Variants in FGF13 observed in about 807,000 individuals in gnomAD.
FGF13 encodes fibroblast growth factor 13.
A neutral mutation model predicts 19.5 loss-of-function variants in FGF13; 2 were observed. That is an observed-to-expected ratio of 0.10 (90% CI 0.04 to 0.32). The LOEUF (loss-of-function observed/expected upper bound fraction) is 0.32. FGF13 is among the 10% of genes least tolerant of loss of function. FGF13 has a pLI of 1.00. For synonymous variants in FGF13, 72 were observed against 76.9 expected, an observed-to-expected ratio of 0.94 and a Z score of 0.33; for missense variants, 113 against 192.7, an observed-to-expected ratio of 0.59 and a Z score of 2.45.
intron 1 of FGF13, among the ~76,000 whole-genome samples, chrX:138,993,687 CGCT>C (rs1320221375): frequency 8.9e-6 from 1 of 111,762 alleles, no homozygotes; most frequent in Non-Finnish European, 1.9e-5. Context: ...ACGAAATTCT[CGCT>C]GCTTTCTGCA....
downstream of FGF13, among the ~76,000 whole-genome samples, chrX:138,854,945 G>A (rs1224336536): frequency 9.1e-6 from 1 of 109,740 alleles, no homozygotes; most frequent in Non-Finnish European, 1.9e-5. Context: ...AATGTTTCAC[G>A]TAACAATAAA....
At chrX:138,963,008 GAAAAA>G (rs370773877) in intron 1 of FGF13, among the ~76,000 whole-genome samples, 1 of 107,372 alleles carries the variant, frequency 9.3e-6, no homozygotes, top group South Asian at 4.0e-4. Flanking sequence ...AAACAAAAAA[GAAAAA>G]AAAAAGTGCA....
intron 1 of FGF13, among the ~76,000 whole-genome samples, chrX:138,965,270 C>A (rs1043625883): frequency 8.9e-6 from 1 of 112,331 alleles, no homozygotes; most frequent in African/African-American, 3.2e-5. Context: ...CTGCTCTGGG[C>A]TCCTACACTT....
chrX:138,932,079 C>A (rs2091704126), intron 1 of FGF13, among the ~76,000 whole-genome samples: 2 of 109,754 alleles, frequency 1.8e-5, no homozygotes, highest in South Asian at 7.8e-4. Context: ...TGCAATGCAT[C>A]TTTTTTAAAA....
chrX:139,105,547 C>T (rs934092365), intron 1 of FGF13, among the ~76,000 whole-genome samples: 1 of 112,006 alleles, frequency 8.9e-6, no homozygotes, highest in Admixed American at 9.5e-5. Context: ...TGCTCTCAAA[C>T]ATCAGATACA....
At chrX:138,698,920 G>A (rs777589168) in intron 3 of FGF13, among the ~76,000 whole-genome samples, 10 of 111,887 alleles carry the variant, frequency 8.9e-5, no homozygotes, top group Non-Finnish European at 1.7e-4. Flanking sequence ...ATGAATGGGT[G>A]TGGCTGCGTT....
chrX:138,776,596 G>A (rs1195649921), intron 3 of FGF13, among the ~76,000 whole-genome samples: 1 of 111,918 alleles, frequency 8.9e-6, no homozygotes, highest in East Asian at 2.8e-4. Context: ...ATCGAGTTTG[G>A]GCTCTTATGT....
At chrX:138,665,427 G>A (rs1313118489) in intron 3 of FGF13, among the ~76,000 whole-genome samples, 6 of 111,520 alleles carry the variant, frequency 5.4e-5, no homozygotes, top group Non-Finnish European at 7.5e-5. Context: ...GGAGATAGTA[G>A]GGGAGCTGTT....
At chrX:138,760,561 C>T (rs754543547) in intron 3 of FGF13, among the ~76,000 whole-genome samples, 1 of 111,610 alleles carries the variant, frequency 9.0e-6, no homozygotes, top group East Asian at 2.8e-4. Context: ...CAAAGGAAAA[C>T]ATTTACAGAC....
intron 1 of FGF13, among the ~76,000 whole-genome samples, chrX:138,890,070 A>T (rs897834332): frequency 3.6e-5 from 4 of 110,024 alleles, no homozygotes; most frequent in African/African-American, 1.3e-4. Context: ...CTGGGATTAC[A>T]GGCACCTGCC....
chrX:138,653,240 T>C (rs746723426), intron 3 of FGF13, among the ~76,000 whole-genome samples: 50 of 111,290 alleles, frequency 4.5e-4, no homozygotes, highest in African/African-American at 1.6e-3. Context: ...AAAACAAAGA[T>C]AATAATCTTT....
chrX:139,175,861 T>G (rs1474164929), intron 1 of FGF13, among the ~76,000 whole-genome samples: 3 of 111,928 alleles, frequency 2.7e-5, no homozygotes, highest in East Asian at 2.8e-4. Flanking sequence ...CTGAAATTTT[T>G]TTGTTGTTGT....
chrX:138,907,616 T>C lies in FGF13; in HGVS notation c.-112-42966A>G, dbSNP rs150893353. ...CAGCCCTTGTTTCAGATAGAGGTCA[T>C]GCCACTGAGCATGCTCCTTGAGGGC... On this transcript the variant is annotated intron_variant, in intron 1 of 2. Coordinates refer to the FGF13 transcript ENST00000421460. 1.6e-3 allele frequency among the ~76,000 whole-genome samples: 175 copies of C among 112,030 alleles called. 2 individuals are homozygous for C. Among genetic ancestry groups the C allele is most frequent in the Admixed American group, 3.5e-3 (37 of 10,582 alleles).
intron 1 of FGF13, among the ~76,000 whole-genome samples, chrX:139,170,652 C>T (rs1212440252): frequency 9.0e-6 from 1 of 111,567 alleles, no homozygotes; most frequent in African/African-American, 3.3e-5. Flanking sequence ...GACGATGCTC[C>T]AGCTTTCACA....
At chrX:138,682,926 G>A (rs2089743869) in intron 3 of FGF13, among the ~76,000 whole-genome samples, 1 of 111,748 alleles carries the variant, frequency 8.9e-6, no homozygotes, top group African/African-American at 3.2e-5. Context: ...ATTGTTAGCA[G>A]ATGAAACATC....
chrX:139,151,737 ATAAAT>A (rs2083936168), intron 1 of FGF13, among the ~76,000 whole-genome samples: 1 of 112,189 alleles, frequency 8.9e-6, no homozygotes, highest in African/African-American at 3.2e-5. Context: ...TTTTAAGTAA[ATAAAT>A]TAAATTAAAA....
intron 1 of FGF13, among the ~76,000 whole-genome samples, chrX:138,732,829 G>A (rs2124292128): frequency 9.0e-6 from 1 of 111,361 alleles, no homozygotes; most frequent in South Asian, 3.8e-4. Context: ...AGACTAGTGA[G>A]TCACTGGTGC....
chrX:138,869,348 C>T (rs961502667), intron 1 of FGF13, among the ~76,000 whole-genome samples: 1 of 112,433 alleles, frequency 8.9e-6, no homozygotes, highest in African/African-American at 3.2e-5. Flanking sequence ...GACATTTTGG[C>T]TTTGTGCTAC....
chrX:138,989,785 G>A (rs1418280997), intron 1 of FGF13, among the ~76,000 whole-genome samples: 1 of 108,911 alleles, frequency 9.2e-6, no homozygotes, highest in Non-Finnish European at 1.9e-5. Context: ...TCTTTGTGGA[G>A]TTAAATGGCC....
Sources: gnomAD v4.1 joint callset for allele counts (sites outside exome capture counted in the v4.1 genomes callset) on GRCh38, gnomAD v4.1.1 for gene constraint, MANE v1.5 for transcripts, NCBI Gene and HGNC (gene_info 2026-07-23, HGNC 2026-07-21) for gene names.